The following FA2H variants were observed in gnomAD, a reference collection of about 807,000 sequenced individuals.
FA2H encodes the protein fatty acid alpha-hydroxylase.
A neutral mutation model predicts 44.9 loss-of-function variants in FA2H; 22 were observed. That is an observed-to-expected ratio of 0.49 (90% confidence interval 0.35 to 0.70). The LOEUF is 0.70. FA2H is among the 30% of genes least tolerant of loss of function. FA2H has a pLI of 0.01. For missense variants in FA2H, 501 were observed against 504.9 expected, an observed-to-expected ratio of 0.99 and a Z score of 0.07; for synonymous variants, 243 against 213.2, an observed-to-expected ratio of 1.14 and a Z score of -1.22.
rs1055184515 is a variant in FA2H at position 74,774,466 on chromosome 16, G to A, written c.270+20C>T. 4 of 1,498,512 alleles carry A rather than the reference G, an allele frequency of 2.7e-6. No individual in the cohort carries two copies. The African/African-American group carries it at 5.7e-5, about 21-fold the overall frequency. The allele number at this position is 1,498,512 out of a possible 1,614,324, so 92.8% of individuals were successfully genotyped here. A position where few individuals can be genotyped will look rare whatever the true frequency, so the allele number is the denominator to read the frequency against. Reference sequence around the variant, plus strand: ...TGACGGAGGCCTGGGTTGGGGTGGGGGGCCCCGGCCCGGCTGTACCTGCTG... The same window carrying A: ...TGACGGAGGCCTGGGTTGGGGTGGGAGGCCCCGGCCCGGCTGTACCTGCTG... On this transcript the variant is annotated intron_variant, in intron 1 of 6. Coordinates refer to ENST00000219368, the MANE Select transcript of FA2H (RefSeq NM_024306.5).
intron 3 of FA2H, 95 bp downstream of exon 3, chr16:74,727,149 C>T (rs1236129474): frequency 6.6e-7 from 1 of 1,513,788 alleles, no homozygotes; most frequent in African/African-American, 1.4e-5. Flanking sequence ...GACCTGGGCT[C>T]TGGGGAGGGA....
At chr16:74,735,312 G>C (rs1396177823) in intron 2 of FA2H, among the ~76,000 whole-genome samples, 1 of 152,138 alleles carries the variant, frequency 6.6e-6, no homozygotes, top group African/African-American at 2.4e-5. Context: ...CGTTGCCGGA[G>C]TGGCTGCAGG....
At chr16:74,723,733 G>T (rs1184883964) in intron 4 of FA2H, among the ~76,000 whole-genome samples, 2 of 152,116 alleles carry the variant, frequency 1.3e-5, no homozygotes, top group Non-Finnish European at 2.9e-5. Context: ...GAGAGCACAG[G>T]CATTGGATTT....
At chr16:74,750,274 T>C (rs1962505034) in intron 1 of FA2H, among the ~76,000 whole-genome samples, 1 of 152,196 alleles carries the variant, frequency 6.6e-6, no homozygotes, top group African/African-American at 2.4e-5. Flanking sequence ...CCAACTAGTA[T>C]AATAAAACAA....
intron 5 of FA2H, among the ~76,000 whole-genome samples, chr16:74,718,016 G>A (rs961991713): frequency 6.6e-6 from 1 of 152,162 alleles, no homozygotes; most frequent in Non-Finnish European, 1.5e-5. Context: ...GGTTGGCCCA[G>A]GACTGGGCAC....
intron 1 of FA2H, among the ~76,000 whole-genome samples, chr16:74,753,407 C>A (rs1354341201): frequency 1.3e-5 from 2 of 152,200 alleles, no homozygotes; most frequent in African/African-American, 4.8e-5. Flanking sequence ...CCACGAACAG[C>A]AGGGCGAGGT....
rs569616989 is a variant in FA2H, at chr16:74,721,798, C to T, written c.614-2638G>A. On this transcript the variant is annotated intron_variant, in intron 4 of 6. Coordinates refer to ENST00000219368, the MANE Select transcript of FA2H (RefSeq NM_024306.5). ...GAGGAACTATCCCCTCCACATACTT[C>T]CCCCAACTTCCAAGCACACCACATT... Among the ~76,000 whole-genome samples the T allele has an allele frequency of 3.3e-5, 5 of 152,334 alleles. No individual in the cohort carries two copies. In the South Asian group the frequency reaches 1.0e-3, roughly 32 times the overall value.
chr16:74,764,961 C>T (rs1962781242), intron 1 of FA2H, among the ~76,000 whole-genome samples: 1 of 152,018 alleles, frequency 6.6e-6, no homozygotes, highest in Admixed American at 6.6e-5. Context: ...CTATGGTTAA[C>T]TTCACTTCTA....
chr16:74,718,112 G>A (rs1446186778), intron 5 of FA2H, among the ~76,000 whole-genome samples: 1 of 152,194 alleles, frequency 6.6e-6, no homozygotes, highest in Non-Finnish European at 1.5e-5. Context: ...CAACCAACCT[G>A]AGAACTGTCC....
At chr16:74,761,349 A>C (rs1220216829) in intron 1 of FA2H, among the ~76,000 whole-genome samples, 1 of 152,046 alleles carries the variant, frequency 6.6e-6, no homozygotes, top group Non-Finnish European at 1.5e-5. Flanking sequence ...GCTACTCGGG[A>C]GGCTGAGACT....
chr16:74,757,877 G>A (rs2144655079), intron 1 of FA2H, among the ~76,000 whole-genome samples: 1 of 152,194 alleles, frequency 6.6e-6, no homozygotes, highest in African/African-American at 2.4e-5. Flanking sequence ...AGACTAGCTG[G>A]GAGTGGTGGC....
chr16:74,747,924 G>C (rs1962456166), intron 1 of FA2H, among the ~76,000 whole-genome samples: 1 of 152,168 alleles, frequency 6.6e-6, no homozygotes, highest in Admixed American at 6.5e-5. Context: ...CCAAAGGAGA[G>C]GGAATCCAAC....
At chr16:74,717,634 A>G (rs73614660) in intron 5 of FA2H, among the ~76,000 whole-genome samples, 2 of 152,124 alleles carry the variant, frequency 1.3e-5, no homozygotes, top group Non-Finnish European at 2.9e-5. Flanking sequence ...GGATCCTTAG[A>G]TGGATAGGTC....
chr16:74,754,344 C>T lies in FA2H; in HGVS notation c.271-14229G>A, dbSNP rs1232756659. ...CTGGGAGGTGGAGGTTGCAGTGAGC[C>T]AAGATTGGGCCACTGCACTCCAGCC... On this transcript the variant is annotated intron_variant, in intron 1 of 6. Coordinates refer to ENST00000219368, the MANE Select transcript of FA2H (RefSeq NM_024306.5). Among the ~76,000 whole-genome samples the T allele has an allele frequency of 5.3e-5, 8 of 151,998 alleles. No homozygotes were observed. In the East Asian group the frequency reaches 1.4e-3, roughly 26 times the overall value.
At chr16:74,771,783 T>A (rs1234694432) in intron 1 of FA2H, among the ~76,000 whole-genome samples, 1 of 151,968 alleles carries the variant, frequency 6.6e-6, no homozygotes, top group Non-Finnish European at 1.5e-5. Flanking sequence ...TTCATCCCCC[T>A]TCCCCCCATG....
intron 1 of FA2H, among the ~76,000 whole-genome samples, chr16:74,743,818 C>T (rs1962361656): frequency 6.6e-6 from 1 of 152,104 alleles, no homozygotes; most frequent in Non-Finnish European, 1.5e-5. Flanking sequence ...TGGCAGAAGC[C>T]CAGGTTCTTA....
intron 1 of FA2H, among the ~76,000 whole-genome samples, chr16:74,756,213 C>A (rs2144653442): frequency 6.6e-6 from 1 of 152,298 alleles, no homozygotes; most frequent in Admixed American, 6.5e-5. Context: ...CCTCTAACCA[C>A]AGGCTGTGAA....
chr16:74,768,609 A>G (rs1962850096), intron 1 of FA2H, among the ~76,000 whole-genome samples: 2 of 152,118 alleles, frequency 1.3e-5, no homozygotes, highest in Admixed American at 1.3e-4. Flanking sequence ...AAATTCCCCA[A>G]GCATCAGTTT....
chr16:74,727,446 C>T, intron 2 of FA2H, 60 bp from the exon 3 acceptor site: 3 of 1,574,090 alleles, frequency 1.9e-6, no homozygotes, highest in Non-Finnish European at 2.6e-6. Flanking sequence ...TTCGTTCTCC[C>T]ATTTCCTCGT....
Sources: allele counts gnomAD v4.1 joint callset (sites outside exome capture counted in the v4.1 genomes callset), GRCh38; gene constraint gnomAD v4.1.1; transcripts MANE v1.5; gene names NCBI Gene and HGNC (gene_info 2026-07-23, HGNC 2026-07-21).